SLC14A2: variants seen among roughly 807,000 people sequenced by gnomAD.
The protein encoded by SLC14A2 is solute carrier family 14 member 2.
Under a neutral mutation model 104.6 loss-of-function variants are expected in SLC14A2, and 91 were observed. That is an observed-to-expected ratio of 0.87 (90% CI 0.73 to 1.04). The LOEUF (loss-of-function observed/expected upper bound fraction) is 1.04, where lower values mean the gene tolerates loss of function less well. Ranked by LOEUF, SLC14A2 falls within the 50% of genes least tolerant of loss-of-function variation. The pLI, the probability that SLC14A2 is intolerant of heterozygous loss-of-function variation, is 0.00. For missense variants in SLC14A2, 1,189 were observed against 1,156.0 expected, an observed-to-expected ratio of 1.03 and a Z score of -0.41; for synonymous variants, 476 against 466.4, an observed-to-expected ratio of 1.02 and a Z score of -0.27.
intron 1 of SLC14A2, among the ~76,000 whole-genome samples, chr18:45,294,224 T>C (rs1463162684): frequency 6.6e-6 from 1 of 152,166 alleles, no homozygotes; most frequent in South Asian, 2.1e-4. Flanking sequence ...TGGGAATATA[T>C]ATATATAGAA....
rs904127714 is a variant in SLC14A2 at position 45,373,296 on chromosome 18, C to T, written c.-124-109937C>T. On this transcript the variant is annotated intron_variant, in intron 1 of 20. Coordinates refer to the SLC14A2 transcript ENST00000586448. ...CTTCACACATTTATATTATTCGGCT[C>T]CAGGCTCTCTCTCTAGCATAGTTGC... 2.0e-5 allele frequency among the ~76,000 whole-genome samples: 3 copies of T among 152,256 alleles called. No homozygotes were observed. The East Asian group carries it at 5.8e-4, about 29-fold the overall frequency.
chr18:45,389,035 C>A (rs527928296), intron 1 of SLC14A2, among the ~76,000 whole-genome samples: 2 of 152,070 alleles, frequency 1.3e-5, no homozygotes, highest in Admixed American at 6.5e-5. Context: ...TTGCATTAAC[C>A]CTTTGAGAGG....
intron 2 of SLC14A2, among the ~76,000 whole-genome samples, chr18:45,505,441 G>T (rs747530032): frequency 1.3e-4 from 20 of 152,152 alleles, no homozygotes; most frequent in Non-Finnish European, 2.9e-5. Flanking sequence ...TGGGTGAGGA[G>T]CCCACAGGGT....
chr18:45,577,903 T>A (rs922935332), intron 2 of SLC14A2, among the ~76,000 whole-genome samples: 3 of 152,182 alleles, frequency 2.0e-5, no homozygotes, highest in Admixed American at 1.3e-4. Flanking sequence ...AGAAAAATAA[T>A]AAATTATTCT....
intron 1 of SLC14A2, among the ~76,000 whole-genome samples, chr18:45,426,698 T>TACAC (rs34456057): frequency 0.018 from 2,486 of 140,982 alleles, 20 homozygotes; most frequent in South Asian, 0.025. Flanking sequence ...TATACATACA[T>TACAC]ACACACACAC....
At chr18:45,459,628 G>A (rs1339770828) in intron 1 of SLC14A2, among the ~76,000 whole-genome samples, 1 of 152,140 alleles carries the variant, frequency 6.6e-6, no homozygotes, top group Admixed American at 6.5e-5. Context: ...CCGGGGCCTC[G>A]CCCAGTTCCT....
chr18:45,236,919 C>T (rs865934856), intron 1 of SLC14A2, among the ~76,000 whole-genome samples: 17 of 152,160 alleles, frequency 1.1e-4, no homozygotes, highest in South Asian at 2.1e-4. Context: ...TCACTTTAAA[C>T]ATCTGAAACT....
chr18:45,208,332 GAAATA>G (rs2083932514), upstream of SLC14A2, among the ~76,000 whole-genome samples: 1 of 152,150 alleles, frequency 6.6e-6, no homozygotes, highest in African/African-American at 2.4e-5. Context: ...ATAAAGTTAA[GAAATA>G]AAACCATATG....
chr18:45,629,342 G>A (rs1408237020), intron 4 of SLC14A2, among the ~76,000 whole-genome samples: 2 of 152,154 alleles, frequency 1.3e-5, no homozygotes, highest in African/African-American at 4.8e-5. Flanking sequence ...ATGCAGATCT[G>A]GTGGGTGAGA....
At chr18:45,633,879 T>G (rs1232470601) in intron 5 of SLC14A2, among the ~76,000 whole-genome samples, 2 of 152,226 alleles carry the variant, frequency 1.3e-5, no homozygotes, top group East Asian at 3.8e-4. Context: ...GGTTTCGTTC[T>G]TAATCCATTG....
At chr18:45,655,432 C>T (rs190053118) in intron 10 of SLC14A2, among the ~76,000 whole-genome samples, 47 of 152,324 alleles carry the variant, frequency 3.1e-4, no homozygotes, top group Admixed American at 1.7e-3. Flanking sequence ...CCACCCTGGC[C>T]TCGTTGGACC....
At chr18:45,467,998 C>T (rs1020621763) in intron 1 of SLC14A2, among the ~76,000 whole-genome samples, 1 of 152,078 alleles carries the variant, frequency 6.6e-6, no homozygotes, top group Non-Finnish European at 1.5e-5. Flanking sequence ...CCTGTATTCC[C>T]AGAGAATCAA....
chr18:45,647,292 GT>G (rs2045641129), intron 10 of SLC14A2: 1 of 152,116 alleles, frequency 6.6e-6, no homozygotes, highest in African/African-American at 2.4e-5. Flanking sequence ...TTAAATGTTT[GT>G]GGCCATAGAG....
the SLC14A2 span, among the ~76,000 whole-genome samples, chr18:45,192,632 G>GTTTTTTTTTT: frequency 1.9e-5 from 2 of 107,810 alleles, no homozygotes; most frequent in African/African-American, 3.5e-5. Flanking sequence ...GTGTGTGTGT[G>GTTTTTTTTTT]TGTGGTTTTT....
chr18:45,381,017 C>T (rs184790438), intron 1 of SLC14A2, among the ~76,000 whole-genome samples: 3 of 152,190 alleles, frequency 2.0e-5, no homozygotes, highest in African/African-American at 7.2e-5. Context: ...GATCTGTGGA[C>T]TTTCTTGAAT....
chr18:45,371,230 C>T (rs1448458305), intron 1 of SLC14A2, among the ~76,000 whole-genome samples: 1 of 152,162 alleles, frequency 6.6e-6, no homozygotes, highest in Non-Finnish European at 1.5e-5. Context: ...ATAATTCCCA[C>T]GATCTCCTTC....
intron 2 of SLC14A2, among the ~76,000 whole-genome samples, chr18:45,515,266 T>C (rs7245140): frequency 0.27 from 40,779 of 152,188 alleles, 6,138 homozygotes; most frequent in African/African-American, 0.4. Context: ...CTTTGTCATA[T>C]TGACTGTAGC....
chr18:45,236,445 G>A (rs1347588367), intron 1 of SLC14A2, among the ~76,000 whole-genome samples: 10 of 33,400 alleles, frequency 3.0e-4, no homozygotes, highest in South Asian at 9.5e-4. Context: ...ATATATACAT[G>A]TATGTGTGTA....
At chr18:45,345,785 G>A (rs1313352729) in intron 1 of SLC14A2, among the ~76,000 whole-genome samples, 3 of 152,140 alleles carry the variant, frequency 2.0e-5, no homozygotes, top group Non-Finnish European at 4.4e-5. Flanking sequence ...TCATATATGT[G>A]CCTCCAATGA....
Sources: allele counts gnomAD v4.1 joint callset (sites outside exome capture counted in the v4.1 genomes callset), GRCh38; gene constraint gnomAD v4.1.1; transcripts MANE v1.5; gene names NCBI Gene and HGNC (gene_info 2026-07-23, HGNC 2026-07-21).